SEC16B: variants seen among roughly 807,000 people sequenced by gnomAD.
The protein encoded by SEC16B is SEC16 homolog B, endoplasmic reticulum export factor.
Under a neutral mutation model 141.8 loss-of-function variants are expected in SEC16B, and 115 were observed. The observed-to-expected ratio is 0.81, with a 90% CI of 0.70 to 0.95. SEC16B has a LOEUF of 0.95. Among genes scored for constraint, SEC16B ranks in the 40% least tolerant of loss-of-function variants. The probability of loss-of-function intolerance (pLI) is 0.00; values close to 1 mark genes in which losing one functional copy is unlikely to be tolerated. For synonymous variants in SEC16B, 493 were observed against 492.5 expected, an observed-to-expected ratio of 1.00 and a Z score of -0.01; for missense variants, 1,291 against 1,312.3, an observed-to-expected ratio of 0.98 and a Z score of 0.25.
intron 24 of SEC16B, among the ~76,000 whole-genome samples, chr1:177,932,023 G>A (rs1205660633): frequency 6.6e-6 from 1 of 151,938 alleles, no homozygotes; most frequent in African/African-American, 2.4e-5. Flanking sequence ...CTAACCCCCA[G>A]TACCTCAGAA....
At chr1:177,948,018 T>G (rs1651868122) in intron 12 of SEC16B, 76 bp from the exon 13 acceptor site, 1 of 1,191,176 alleles carries the variant, frequency 8.4e-7, no homozygotes, top group Non-Finnish European at 1.2e-6. Context: ...CTGTTGTCTA[T>G]TTCCTGGTTC....
At chr1:177,980,923 C>T (rs987931514) in intron 1 of SEC16B, among the ~76,000 whole-genome samples, 1 of 151,980 alleles carries the variant, frequency 6.6e-6, no homozygotes, top group Admixed American at 6.6e-5. Context: ...CGAAGGAAGA[C>T]CTGGTACATT....
chr1:177,933,377 C>T (rs1158414787), intron 21 of SEC16B, 65 bp from the exon 22 acceptor site: 2 of 1,556,058 alleles, frequency 1.3e-6, no homozygotes, highest in East Asian at 4.7e-5. Flanking sequence ...TGAGGTTAAC[C>T]CGCCCCCATG....
At chr1:177,931,307 T>A (rs1650395487) in intron 24 of SEC16B, among the ~76,000 whole-genome samples, 1 of 152,112 alleles carries the variant, frequency 6.6e-6, no homozygotes, top group Non-Finnish European at 1.5e-5. Context: ...TTATTCTAAG[T>A]GAAGTACACA....
At position 177,930,640 on chromosome 1, in the gene SEC16B, C is replaced by T; in HGVS notation, c.3016G>A (p.Val1006Ile). The T allele has an allele frequency of 6.2e-7, 1 of 1,612,362 alleles. No individual in the cohort carries two copies. The highest frequency in any genetic ancestry group is 8.5e-7 in the Non-Finnish European group (1 of 1,178,906). Residue 1006 changes from valine (V) to isoleucine (I), a missense_variant, in exon 25 of 26, where the codon GTT becomes ATT. Around this residue, in one of 3 missense-constraint regions of SEC16B, gnomAD observed 605 missense variants for 614.1 expected, o/e 0.99. Coordinates refer to ENST00000308284, the MANE Select transcript of SEC16B (RefSeq NM_033127.4). ...GVGGLSGPES[V>I]SFELCSNPGV... ...GGGTTGGAGCAGAGCTCAAAGGAAA[C>T]ACTCTGTGATGGAAAAGCATGGAAA... is the stretch of plus-strand genomic sequence containing the variant.
chr1:177,937,759 G>T (rs1650967147), intron 18 of SEC16B, among the ~76,000 whole-genome samples: 1 of 151,934 alleles, frequency 6.6e-6, no homozygotes, highest in East Asian at 1.9e-4. Flanking sequence ...AAAATCCTAA[G>T]CTCCTCCATT....
chr1:177,966,795 G>A (rs1113415), intron 2 of SEC16B, among the ~76,000 whole-genome samples: 64,942 of 151,888 alleles, frequency 0.43, 14,085 homozygotes, highest in Non-Finnish European at 0.45. Flanking sequence ...GGCTGGTCTC[G>A]AACTCCCAAC....
At position 177,929,908 on chromosome 1, in the gene SEC16B, T is replaced by A; in HGVS notation, c.3133A>T (p.Asn1045Tyr). The A allele has an allele frequency of 6.2e-7, 1 of 1,613,896 alleles. No individual in the cohort carries two copies. The highest frequency in any genetic ancestry group is 8.5e-7 in the Non-Finnish European group (1 of 1,179,858). Residue 1045 changes from asparagine (N) to tyrosine (Y), a missense_variant, in exon 26 of 26, where the codon AAT becomes TAT. By Grantham distance (143) the Asn-to-Tyr change is moderately radical. This residue lies in a region of SEC16B where 605 missense variants were observed against 614.1 expected (regional missense o/e 0.99). Transcript: ENST00000308284. ...CGCTGAGCTAGGCGATTTGGCCGAT[T>A]CAGGCTAGTGGCCGTGGGCAGCTGG... is the stretch of plus-strand genomic sequence containing the variant. Reference protein sequence around the residue: ...VPQLPTATSLNRPNRLAQRRY... With the variant: ...VPQLPTATSLYRPNRLAQRRY...
intron 1 of SEC16B, among the ~76,000 whole-genome samples, chr1:177,981,730 T>C (rs1379350169): frequency 1.3e-5 from 2 of 152,198 alleles, no homozygotes; most frequent in Non-Finnish European, 2.9e-5. Context: ...GAAAGCTATG[T>C]TCAGGATGGG....
At chr1:177,978,127 A>G (rs1330401474) in intron 1 of SEC16B, among the ~76,000 whole-genome samples, 2 of 152,168 alleles carry the variant, frequency 1.3e-5, no homozygotes, top group African/African-American at 4.8e-5. Context: ...TCAGAATTGG[A>G]TTTGGGTTCC....
At position 177,961,688 on chromosome 1, in the gene SEC16B, C is replaced by T. The variant is rs745860298; in HGVS notation, c.689G>A (p.Gly230Asp). 6.2e-7 allele frequency: 1 copy of T among 1,613,814 alleles called. No homozygotes were observed. Among genetic ancestry groups the T allele is most frequent in the Non-Finnish European group, 8.5e-7 (1 of 1,179,868 alleles). ...GAGCTCATAGCTGCTGGAGCTGAGACCAGACTCACGCTGCTGGAGAAGGTT... is the reference window on the plus strand; with the variant it reads ...GAGCTCATAGCTGCTGGAGCTGAGATCAGACTCACGCTGCTGGAGAAGGTT... ...ESNLLQQRES[G>D]LSSSSYELSQ... Residue 230 changes from glycine (G) to aspartate (D), a missense_variant, in exon 6 of 26, where the codon GGT becomes GAT. Gly to Asp is a moderately conservative substitution (Grantham distance 94). This residue lies in a region of SEC16B where 681 missense variants were observed against 675.5 expected (regional missense o/e 1.01). Transcript: ENST00000308284.
At chr1:177,930,667 T>C (rs1192570274) in intron 24 of SEC16B, 24 bp from the exon 25 acceptor site, 11 of 1,559,194 alleles carry the variant, frequency 7.1e-6, no homozygotes, top group Non-Finnish European at 8.8e-6. Context: ...GCATGGAAAA[T>C]CCCATCAGTG....
At chr1:177,978,449 G>A (rs894070597) in intron 1 of SEC16B, among the ~76,000 whole-genome samples, 4 of 152,142 alleles carry the variant, frequency 2.6e-5, no homozygotes, top group Non-Finnish European at 4.4e-5. Context: ...GCTCATGCCT[G>A]TAATCCCAGG....
At chr1:177,971,403 T>G (rs1653944238), upstream of SEC16B, 1 of 152,210 alleles carries the variant, frequency 6.6e-6, no homozygotes, top group South Asian at 2.1e-4. Context: ...TACCTCACTC[T>G]TGGGCTGTGA....
At chr1:177,961,108 A>T in intron 6 of SEC16B, 169 bp from the exon 7 acceptor site, 1 of 664,854 alleles carries the variant, frequency 1.5e-6, no homozygotes, top group East Asian at 2.8e-5. Context: ...CTCCAGTCAG[A>T]TTTAAGCCTC....
chr1:177,946,711 C>T (rs1440113539), intron 13 of SEC16B, among the ~76,000 whole-genome samples, 180 bp from the exon 14 acceptor site: 8 of 152,170 alleles, frequency 5.3e-5, no homozygotes, highest in Admixed American at 5.2e-4. Flanking sequence ...CCCACTCCTC[C>T]TCCCACAGCC....
At chr1:177,968,910 AT>A (rs1391412977) in intron 1 of SEC16B, among the ~76,000 whole-genome samples, 1 of 152,056 alleles carries the variant, frequency 6.6e-6, no homozygotes, top group African/African-American at 2.4e-5. Flanking sequence ...CATCAAACTA[AT>A]TTTCCCCCAC....
intron 12 of SEC16B, chr1:177,948,242 C>A: frequency 1.1e-6 from 1 of 910,706 alleles, no homozygotes; most frequent in South Asian, 1.7e-5. Context: ...CTCCCCAGTG[C>A]CTGACCCCCA....
At chr1:177,936,178 G>A (rs1462642051) in intron 20 of SEC16B, 120 bp downstream of exon 20, 1 of 767,194 alleles carries the variant, frequency 1.3e-6, no homozygotes, top group Non-Finnish European at 2.2e-6. Flanking sequence ...GCGAGATGTG[G>A]AAGAGAAAGC....
Sources: allele counts gnomAD v4.1 joint callset (sites outside exome capture counted in the v4.1 genomes callset), GRCh38; gene constraint gnomAD v4.1.1; regional missense constraint gnomAD v4.1.1; transcripts MANE v1.5; gene names NCBI Gene and HGNC (gene_info 2026-07-23, HGNC 2026-07-21).